The following CDC20B variants were observed in gnomAD, a reference collection of about 807,000 sequenced individuals.
CDC20B encodes the protein cell division cycle protein 20 homolog B.
A neutral mutation model predicts 64.1 loss-of-function variants in CDC20B; 58 were observed. The ratio of observed to expected loss-of-function variants is 0.90; its 90% CI spans 0.73 to 1.13. The LOEUF (loss-of-function observed/expected upper bound fraction) is 1.13. Ranked by LOEUF, CDC20B falls within the 50% of genes most tolerant of loss-of-function variation. The pLI is 0.00. For synonymous variants in CDC20B, 243 were observed against 230.6 expected (o/e 1.05, Z -0.49); for missense variants, 597 against 633.0 (o/e 0.94, Z 0.61).
chr5:55,120,660 C>G lies in CDC20B; in HGVS notation c.1216-110G>C. ...GTCCCCACGTCTGCACCTGTCACAG[C>G]TCTCCTGGGCCTGCTATCTAAAGGC... On this transcript the variant is annotated intron_variant, in intron 9 of 11. Transcript: ENST00000381375. 4 of 1,297,000 alleles carry G rather than the reference C, an allele frequency of 3.1e-6. No individual in the cohort carries two copies. In the South Asian group the frequency reaches 5.1e-5, roughly 16 times the overall value. 80.3% of individuals were successfully genotyped at this position (1,297,000 alleles called of 1,614,324 possible). A position where few individuals can be genotyped will look rare whatever the true frequency, so the allele number is the denominator to read the frequency against.
chr5:55,155,798 C>T (rs1025451677), intron 2 of CDC20B, among the ~76,000 whole-genome samples: 3 of 152,200 alleles, frequency 2.0e-5, no homozygotes, highest in South Asian at 2.1e-4. Context: ...TAAGACTCTT[C>T]GCCTATCATC....
At chr5:55,155,422 T>C (rs1233019634) in intron 2 of CDC20B, among the ~76,000 whole-genome samples, 1 of 151,930 alleles carries the variant, frequency 6.6e-6, no homozygotes, top group African/African-American at 2.4e-5. Context: ...AAGAGAAAGA[T>C]AAAAGTAGCA....
chr5:55,167,727 G>T (rs563685436), intron 2 of CDC20B, among the ~76,000 whole-genome samples: 1 of 152,264 alleles, frequency 6.6e-6, no homozygotes, highest in African/African-American at 2.4e-5. Flanking sequence ...GCTGGGTGTA[G>T]TGGCACATGC....
chr5:55,161,073 A>G, intron 2 of CDC20B: 1 of 1,614,174 alleles, frequency 6.2e-7, no homozygotes, highest in Non-Finnish European at 8.5e-7. Flanking sequence ...CTGCACAAAG[A>G]GTTTGGACCA....
At chr5:55,116,507 G>C (rs1742630320) in intron 11 of CDC20B, among the ~76,000 whole-genome samples, 1 of 152,170 alleles carries the variant, frequency 6.6e-6, no homozygotes, top group African/African-American at 2.4e-5. Flanking sequence ...GGAGTGCAGT[G>C]GTGCAAACAC....
chr5:55,168,863 A>G (rs1238175356), intron 2 of CDC20B, among the ~76,000 whole-genome samples: 2 of 152,206 alleles, frequency 1.3e-5, no homozygotes, highest in African/African-American at 2.4e-5. Context: ...AAAACTATCT[A>G]TTGGGTACAA....
At chr5:55,129,639 A>G (rs1408625366) in intron 6 of CDC20B, among the ~76,000 whole-genome samples, 1 of 152,204 alleles carries the variant, frequency 6.6e-6, no homozygotes, top group African/African-American at 2.4e-5. Flanking sequence ...TAAATCACCT[A>G]CATGCAGAAG....
intron 9 of CDC20B, among the ~76,000 whole-genome samples, chr5:55,123,796 T>G (rs2111809756): frequency 6.6e-6 from 1 of 152,346 alleles, no homozygotes; most frequent in Non-Finnish European, 1.5e-5. Context: ...ATATTTTGCC[T>G]ACTTCAAGTC....
At chr5:55,162,090 CAAAAAAAAAAAAAA>C (rs34286995) in intron 2 of CDC20B, among the ~76,000 whole-genome samples, 2 of 90,730 alleles carry the variant, frequency 2.2e-5, no homozygotes, top group Non-Finnish European at 4.5e-5. Context: ...CCATATTAGT[CAAAAAAAAAAAAAA>C]AAAAAAAAAG....
At chr5:55,119,402 A>G (rs1254000876) in intron 11 of CDC20B, among the ~76,000 whole-genome samples, 3 of 152,198 alleles carry the variant, frequency 2.0e-5, no homozygotes, top group Non-Finnish European at 4.4e-5. Context: ...AGATGTTCAC[A>G]GAGGAAGCTC....
In CDC20B at chr5:55,114,393, A is replaced by T; in HGVS notation, c.1460-75T>A. On this transcript the variant is annotated intron_variant, in intron 11 of 11. Transcript: ENST00000381375. This position sits in a 1 kb window ranked among gnomAD's most constrained non-coding sequence, Gnocchi z 4.1. ...GCTGCTCAGGACTGTAGGCAATGTA[A>T]GTTGGGGCCATGAGTCCCATCCCAG... 6.5e-7 allele frequency: 1 copy of T among 1,543,444 alleles called. No individual in the cohort carries two copies. Among genetic ancestry groups the T allele is most frequent in the Non-Finnish European group, 8.7e-7 (1 of 1,143,754 alleles).
chr5:55,160,970 T>C, intron 2 of CDC20B: 1 of 1,583,532 alleles, frequency 6.3e-7, no homozygotes, highest in Non-Finnish European at 8.6e-7. Context: ...ACTTTCCGGT[T>C]GGATTTTTTT....
intron 2 of CDC20B, among the ~76,000 whole-genome samples, chr5:55,168,588 A>C (rs184332684): frequency 6.6e-6 from 1 of 151,680 alleles, no homozygotes; most frequent in African/African-American, 2.4e-5. Flanking sequence ...CTCTTTTCTC[A>C]TCATCTCGAT....
At chr5:55,169,957 C>CA (rs1262237689) in intron 2 of CDC20B, among the ~76,000 whole-genome samples, 4 of 151,914 alleles carry the variant, frequency 2.6e-5, no homozygotes, top group Non-Finnish European at 4.4e-5. Flanking sequence ...ACTAAAAATA[C>CA]AAAAAAATTA....
chr5:55,172,602 G>T lies in CDC20B; in HGVS notation c.112C>A (p.Gln38Lys). 6.2e-7 allele frequency: 1 copy of T among 1,613,094 alleles called. No individual in the cohort carries two copies. The highest frequency in any genetic ancestry group is 1.1e-5 in the South Asian group (1 of 91,028). Residue 38 changes from glutamine (Q) to lysine (K), a missense_variant, in exon 2 of 12, where the codon CAA becomes AAA. By Grantham distance (53) the Gln-to-Lys change is moderately conservative. Coordinates refer to ENST00000381375, the MANE Select transcript of CDC20B (RefSeq NM_001170402.1). ...LSKDLKQKRS[Q>K]DSANVLDSVN... ...CCTGGACTCACGTTGGCGGAATCTTGACTTCTCTTCTGCTTCAAGTCTTTG... is the reference window on the plus strand; with the variant it reads ...CCTGGACTCACGTTGGCGGAATCTTTACTTCTCTTCTGCTTCAAGTCTTTG...
chr5:55,150,020 GCTA>G (rs1743616547), intron 2 of CDC20B, among the ~76,000 whole-genome samples: 1 of 152,130 alleles, frequency 6.6e-6, no homozygotes, highest in Non-Finnish European at 1.5e-5. Context: ...TGTAATCCCA[GCTA>G]CTTGGGAGGC....
intron 2 of CDC20B, among the ~76,000 whole-genome samples, chr5:55,148,840 G>A (rs1743578895): frequency 2.0e-5 from 3 of 152,254 alleles, no homozygotes; most frequent in Admixed American, 1.3e-4. Flanking sequence ...AGAAACATCT[G>A]TGAAGCAGAT....
At chr5:55,136,520 C>T (rs1743175989) in intron 5 of CDC20B, 1 of 150,500 alleles carries the variant, frequency 6.6e-6, no homozygotes, top group Non-Finnish European at 1.5e-5. Flanking sequence ...GATCACACTA[C>T]TGCACTCCAG....
chr5:55,120,535 G>C lies in CDC20B; in HGVS notation c.1231C>G (p.Pro411Ala), dbSNP rs1561285311. 6.2e-7 allele frequency: 1 copy of C among 1,613,642 alleles called. No individual in the cohort carries two copies. The highest frequency in any genetic ancestry group is 2.2e-5 in the East Asian group (1 of 44,836). Residue 411 changes from proline (P) to alanine (A), a missense_variant, in exon 10 of 12, where the codon CCC becomes GCC. Around this residue, in one of 3 missense-constraint regions of CDC20B, gnomAD observed 353 missense variants for 397.0 expected, o/e 0.89. Transcript: ENST00000381375. ...STAVKAMDWC[P>A]WQSGVLAIGG... ...ATGGCAAGGACCCCAGACTGCCAGG[G>C]ACACCAATCCATGGCCTTTAAAGTT...
Sources: allele counts gnomAD v4.1 joint callset (sites outside exome capture counted in the v4.1 genomes callset), GRCh38; gene constraint gnomAD v4.1.1; regional missense constraint gnomAD v4.1.1; non-coding constraint Gnocchi (gnomAD v3.1); transcripts MANE v1.5; gene names NCBI Gene and HGNC (gene_info 2026-07-23, HGNC 2026-07-21).